TRHDE: variants seen among roughly 807,000 people sequenced by gnomAD.
TRHDE encodes thyrotropin-releasing hormone-degrading ectoenzyme.
A neutral mutation model predicts 125.7 loss-of-function variants in TRHDE; 72 were observed. The ratio of observed to expected loss-of-function variants is 0.57; its 90% CI spans 0.47 to 0.70. The LOEUF (loss-of-function observed/expected upper bound fraction) is 0.70. TRHDE is among the 30% of genes least tolerant of loss of function. The pLI, the probability that TRHDE is intolerant of heterozygous loss-of-function variation, is 0.00. For synonymous variants in TRHDE, 509 were observed against 509.1 expected (o/e 1.00, Z 0.00); for missense variants, 1,110 against 1,327.1 (o/e 0.84, Z 2.54).
intron 2 of TRHDE, among the ~76,000 whole-genome samples, chr12:72,295,801 T>TC (rs1555174063): frequency 6.6e-6 from 1 of 150,424 alleles, no homozygotes; most frequent in Non-Finnish European, 1.5e-5. Context: ...ATTTTTTTTT[T>TC]AAATCACGTT....
intron 2 of TRHDE, among the ~76,000 whole-genome samples, chr12:72,316,506 A>G (rs1407088420): frequency 6.6e-6 from 1 of 152,182 alleles, no homozygotes; most frequent in Non-Finnish European, 1.5e-5. Context: ...GAACACCACC[A>G]GCACCCATCA....
At chr12:72,519,104 G>C (rs1052674731) in intron 6 of TRHDE, among the ~76,000 whole-genome samples, 2 of 152,100 alleles carry the variant, frequency 1.3e-5, no homozygotes, top group African/African-American at 4.8e-5. Flanking sequence ...CAACTTTGGT[G>C]AATCTGACAA....
At chr12:72,163,767 A>G (rs911029947) in intron 2 of TRHDE, among the ~76,000 whole-genome samples, 4 of 152,226 alleles carry the variant, frequency 2.6e-5, no homozygotes, top group African/African-American at 7.2e-5. Flanking sequence ...ACATCTTAGA[A>G]TGGGTTTAAC....
In TRHDE at chr12:72,301,005, T is replaced by C. The variant is rs138457047; in HGVS notation, c.1188+14051T>C. ...TTTCACCCACTCTTCTCTGCTGAAT[T>C]CCAGGTTCAGGGGGAGGACTGGCCA... On this transcript the variant is annotated intron_variant, in intron 2 of 18. Transcript: ENST00000261180. Among the ~76,000 whole-genome samples, 154 of 152,290 alleles carry C rather than the reference T, an allele frequency of 1.0e-3. 2 individuals are homozygous for C. Among genetic ancestry groups the C allele is most frequent in the Admixed American group, 8.2e-3 (126 of 15,290 alleles).
At chr12:72,516,282 A>T (rs1048851974) in intron 6 of TRHDE, among the ~76,000 whole-genome samples, 32 of 152,054 alleles carry the variant, frequency 2.1e-4, no homozygotes, top group Middle Eastern at 3.4e-3. Context: ...ATGAGCATGG[A>T]ATGTTCTTCC....
chr12:72,541,838 C>T (rs1453183744), intron 6 of TRHDE, among the ~76,000 whole-genome samples: 2 of 151,364 alleles, frequency 1.3e-5, no homozygotes, highest in Non-Finnish European at 3.0e-5. Context: ...TCTCTACTTC[C>T]ACAACTAAAC....
At chr12:72,319,561 C>T (rs1369822949) in intron 2 of TRHDE, among the ~76,000 whole-genome samples, 1 of 152,074 alleles carries the variant, frequency 6.6e-6, no homozygotes, top group Non-Finnish European at 1.5e-5. Flanking sequence ...TAGGTGGTAA[C>T]TTTATCTTTC....
chr12:72,370,906 C>G (rs1871551941), intron 2 of TRHDE, among the ~76,000 whole-genome samples: 1 of 152,060 alleles, frequency 6.6e-6, no homozygotes. Flanking sequence ...CCATGCTCAG[C>G]TAATTTTTAT....
chr12:72,098,898 G>A (rs1463187081), intron 1 of TRHDE, among the ~76,000 whole-genome samples: 1 of 152,188 alleles, frequency 6.6e-6, no homozygotes, highest in Non-Finnish European at 1.5e-5. Context: ...GGGCTTCGTG[G>A]CTCACGTCTG....
At chr12:72,565,665 T>C (rs961803814) in intron 9 of TRHDE, among the ~76,000 whole-genome samples, 1 of 152,190 alleles carries the variant, frequency 6.6e-6, no homozygotes, top group African/African-American at 2.4e-5. Context: ...CAGTGACATC[T>C]GAACAGTTTT....
Position 72,174,283 on chromosome 12 carries a change from T to C in TRHDE, n.279+68531T>C, listed in dbSNP as rs543018527. Among the ~76,000 whole-genome samples, 7 of 152,286 alleles carry C rather than the reference T, an allele frequency of 4.6e-5. No homozygotes were observed. In the South Asian group the frequency reaches 6.2e-4, roughly 14 times the overall value. On this transcript the variant is annotated intron_variant and non_coding_transcript_variant, in intron 2 of 4. Coordinates refer to the TRHDE transcript ENST00000548156. ...ATTTCAGCTGAACCCACCCAGAATA[T>C]AATTACTAGCCAATTCATAGAACCA... is the stretch of plus-strand genomic sequence containing the variant.
At chr12:72,156,980 A>G (rs1164670515) in intron 2 of TRHDE, among the ~76,000 whole-genome samples, 1 of 152,166 alleles carries the variant, frequency 6.6e-6, no homozygotes, top group Non-Finnish European at 1.5e-5. Context: ...TGTTATTGCT[A>G]GGGTGATGGA....
intron 1 of TRHDE, among the ~76,000 whole-genome samples, chr12:72,102,300 C>A (rs141448066): frequency 1.3e-5 from 2 of 152,226 alleles, no homozygotes; most frequent in Admixed American, 1.3e-4. Flanking sequence ...AACCTATAGT[C>A]ACCTCAGAGG....
intron 7 of TRHDE, among the ~76,000 whole-genome samples, chr12:72,544,859 G>A (rs749333765): frequency 8.6e-5 from 13 of 151,254 alleles, no homozygotes; most frequent in Non-Finnish European, 1.8e-4. Flanking sequence ...ATAAAGCATC[G>A]GTGTAGATTC....
chr12:72,198,539 C>T (rs1877490051), intron 2 of TRHDE, among the ~76,000 whole-genome samples: 1 of 152,044 alleles, frequency 6.6e-6, no homozygotes, highest in Admixed American at 6.5e-5. Flanking sequence ...TTTTTTAACT[C>T]ATGGTTCAAT....
At chr12:72,560,781 A>G (rs1870139311) in intron 7 of TRHDE, 1 of 152,214 alleles carries the variant, frequency 6.6e-6, no homozygotes, top group African/African-American at 2.4e-5. Flanking sequence ...AGCCGTGATC[A>G]TACTACTACA....
At chr12:72,545,237 C>A (rs926718276) in intron 7 of TRHDE, among the ~76,000 whole-genome samples, 1 of 151,374 alleles carries the variant, frequency 6.6e-6, no homozygotes, top group African/African-American at 2.4e-5. Flanking sequence ...TACATGTCTA[C>A]TGTTCTATGT....
intron 12 of TRHDE, among the ~76,000 whole-genome samples, chr12:72,579,646 G>A (rs1243294035): frequency 6.6e-6 from 1 of 151,948 alleles, no homozygotes; most frequent in Non-Finnish European, 1.5e-5. Flanking sequence ...TAGCTTTCTG[G>A]TTCTGTCTCA....
At position 72,272,599 on chromosome 12, in the gene TRHDE, G is replaced by C. The variant is rs1428705238; in HGVS notation, c.-45G>C. The C allele has an allele frequency of 1.2e-6, 1 of 804,146 alleles. No homozygotes were observed. Among genetic ancestry groups the C allele is most frequent in the Non-Finnish European group, 1.9e-6 (1 of 536,064 alleles). 49.8% of individuals were successfully genotyped at this position (804,146 alleles called of 1,614,324 possible). A position where few individuals can be genotyped will look rare whatever the true frequency, so the allele number is the denominator to read the frequency against. On this transcript the variant is annotated 5_prime_UTR_variant, in exon 1 of 19. Transcript: ENST00000261180. The surrounding 1 kb of genome is among the most constrained non-coding windows in gnomAD (Gnocchi z 6.7). ...TGGCTGTGGCCCGGGTGGCCCGCCC[G>C]CGGGGGGTGCCAGAGGGGGCGGGGG...
Sources: allele counts gnomAD v4.1 joint callset (sites outside exome capture counted in the v4.1 genomes callset), GRCh38; gene constraint gnomAD v4.1.1; non-coding constraint Gnocchi (gnomAD v3.1); transcripts MANE v1.5; gene names NCBI Gene and HGNC (gene_info 2026-07-23, HGNC 2026-07-21).